PCDHGA5: variants seen among roughly 807,000 people sequenced by gnomAD.
The protein encoded by PCDHGA5 is protocadherin gamma-A5.
A neutral mutation model predicts 56.7 loss-of-function variants in PCDHGA5; 36 were observed. That is an observed-to-expected ratio of 0.64 (90% confidence interval 0.49 to 0.84). The LOEUF (loss-of-function observed/expected upper bound fraction) is 0.84. Ranked by LOEUF, PCDHGA5 falls within the 40% of genes least tolerant of loss-of-function variation. The pLI is 0.00. For missense variants in PCDHGA5, 1,305 were observed against 1,201.5 expected (o/e 1.09, Z -1.27); for synonymous variants, 563 against 520.2 (o/e 1.08, Z -1.12).
At chr5:141,404,812 GC>G in intron 1 of PCDHGA5, 1 of 1,611,168 alleles carries the variant, frequency 6.2e-7, no homozygotes, top group African/African-American at 1.4e-5. Context: ...TCTCGGTGGG[GC>G]TGCACACAGG....
chr5:141,437,478 T>G (rs942305423), intron 1 of PCDHGA5, among the ~76,000 whole-genome samples: 2 of 152,210 alleles, frequency 1.3e-5, no homozygotes, highest in African/African-American at 2.4e-5. Flanking sequence ...TATAGCATAT[T>G]TAATCTCGTA....
chr5:141,504,937 G>A (rs1350441435), intron 2 of PCDHGA5, among the ~76,000 whole-genome samples: 2 of 152,054 alleles, frequency 1.3e-5, no homozygotes, highest in East Asian at 1.9e-4. Context: ...GGTGGGTGGG[G>A]GAATGCACTA....
chr5:141,390,537 A>G (rs565157857), intron 1 of PCDHGA5: 629 of 520,554 alleles, frequency 1.2e-3, no homozygotes, highest in Non-Finnish European at 1.9e-3. Context: ...GGTTTTAACC[A>G]CAAAGTGAAA....
chr5:141,394,997 C>T lies in PCDHGA5; in HGVS notation c.2421+28246C>T, dbSNP rs771459458. On this transcript the variant is annotated intron_variant, in intron 1 of 3. Coordinates refer to ENST00000518069, the MANE Select transcript of PCDHGA5 (RefSeq NM_018918.3). ...ACAAGTCACGCCTGCTCCAGGATTC[C>T]GGTGGCAGATTGGTAGGCGTGCCTG... 3.4e-5 allele frequency: 55 copies of T among 1,613,898 alleles called. No individual in the cohort carries two copies. In the East Asian group the frequency reaches 1.1e-3, roughly 32 times the overall value.
At chr5:141,407,497 G>GTTTTTTTTTTTTTTTT (rs1554102286) in intron 1 of PCDHGA5, among the ~76,000 whole-genome samples, 1 of 151,966 alleles carries the variant, frequency 6.6e-6, no homozygotes, top group Non-Finnish European at 1.5e-5. Flanking sequence ...CTTTATTTCT[G>GTTTTTTTTTTTTTTTT]TTTTTCTTAG....
chr5:141,400,717 G>C (rs2094065619), intron 1 of PCDHGA5: 1 of 672,320 alleles, frequency 1.5e-6, no homozygotes. Context: ...TAGCCTTATA[G>C]ATTTACAAAG....
chr5:141,388,032 C>T (rs747852798), intron 1 of PCDHGA5: 3 of 1,431,396 alleles, frequency 2.1e-6, no homozygotes, highest in Non-Finnish European at 1.9e-6. Flanking sequence ...AGTGGGGAAC[C>T]TCGCCACGGA....
chr5:141,435,990 T>C (rs1175877769), intron 1 of PCDHGA5, among the ~76,000 whole-genome samples: 1 of 152,162 alleles, frequency 6.6e-6, no homozygotes, highest in Non-Finnish European at 1.5e-5. Flanking sequence ...TTGTGTGATT[T>C]TTTGAAAGAA....
At chr5:141,387,843 G>A in intron 1 of PCDHGA5, 5 of 1,597,072 alleles carry the variant, frequency 3.1e-6, no homozygotes, top group Admixed American at 1.7e-5. Flanking sequence ...TTTGTAACCC[G>A]GCGTCTCCAG....
intron 1 of PCDHGA5, among the ~76,000 whole-genome samples, chr5:141,448,877 G>A (rs1421211206): frequency 6.6e-6 from 1 of 152,112 alleles, no homozygotes; most frequent in African/African-American, 2.4e-5. Flanking sequence ...CCTGGGAGGC[G>A]GAGCTTGCAG....
intron 1 of PCDHGA5, chr5:141,390,278 T>A (rs559321936): frequency 1.9e-6 from 3 of 1,614,028 alleles, no homozygotes; most frequent in Admixed American, 1.7e-5. Flanking sequence ...TGACTTCCCA[T>A]CAGGTGAGTT....
At chr5:141,397,614 A>ACTAGAACT (rs2150713337) in intron 1 of PCDHGA5, among the ~76,000 whole-genome samples, 1 of 152,358 alleles carries the variant, frequency 6.6e-6, no homozygotes, top group African/African-American at 2.4e-5. Context: ...CAAGGGCAAT[A>ACTAGAACT]CTTAGTTCTA....
chr5:141,400,453 C>T (rs1329103788), intron 1 of PCDHGA5: 1 of 1,614,056 alleles, frequency 6.2e-7, no homozygotes, highest in Admixed American at 1.7e-5. Context: ...ACAAGACATA[C>T]TTTGTGGTGA....
At chr5:141,400,007 C>T (rs907315450) in intron 1 of PCDHGA5, 30 of 1,612,624 alleles carry the variant, frequency 1.9e-5, no homozygotes, top group Non-Finnish European at 2.5e-5. Flanking sequence ...ACAGCGCGTG[C>T]CTTGGGCGAC....
rs767108870 is a variant in PCDHGA5 at position 141,485,169 on chromosome 5, C to T, written c.2422-9638C>T. On this transcript the variant is annotated intron_variant, in intron 1 of 3. Transcript: ENST00000518069. This position sits in a 1 kb window ranked among gnomAD's most constrained non-coding sequence, Gnocchi z 5.7. ...GAGCAAGTAGAGAATTAGCGGGCGG[C>T]AGCAATGCTCCGCAAGGTGAGAAGC... The T allele has an allele frequency of 6.2e-7, 1 of 1,608,524 alleles. No homozygotes were observed. Among genetic ancestry groups the T allele is most frequent in the South Asian group, 1.1e-5 (1 of 90,730 alleles).
intron 1 of PCDHGA5, among the ~76,000 whole-genome samples, chr5:141,424,964 A>G (rs62378457): frequency 0.11 from 16,148 of 152,126 alleles, 960 homozygotes; most frequent in African/African-American, 0.17. Flanking sequence ...ATTTGCCCCA[A>G]ATTACTTGGA....
chr5:141,490,874 A>C lies in PCDHGA5; in HGVS notation c.2422-3933A>C. 1 of 1,613,948 alleles carries C rather than the reference A, an allele frequency of 6.2e-7. No homozygotes were observed. The highest frequency in any genetic ancestry group is 1.3e-5 in the African/African-American group (1 of 75,054). The stretch of plus-strand genomic sequence containing the variant: ...CGAGACTCCGGCTCTCCCCCATTGC[A>C]TGCCAACACATCTCTGCATGTGTTT... On this transcript the variant is annotated intron_variant, in intron 1 of 3. Coordinates refer to ENST00000518069, the MANE Select transcript of PCDHGA5 (RefSeq NM_018918.3). The surrounding 1 kb of genome is among the most constrained non-coding windows in gnomAD (Gnocchi z 5.4).
chr5:141,473,151 T>C (rs2099315238), intron 1 of PCDHGA5, among the ~76,000 whole-genome samples: 1 of 152,242 alleles, frequency 6.6e-6, no homozygotes. Context: ...TTCAGATCAC[T>C]AGGGCTAGGA....
At chr5:141,422,515 AGCCCGC>A in intron 1 of PCDHGA5, 1 of 1,614,044 alleles carries the variant, frequency 6.2e-7, no homozygotes, top group Non-Finnish European at 8.5e-7. Flanking sequence ...AGACCAGGGA[AGCCCGC>A]CTTTGTCTGC....
Sources: gnomAD v4.1 joint callset for allele counts (sites outside exome capture counted in the v4.1 genomes callset) on GRCh38, gnomAD v4.1.1 for gene constraint, Gnocchi (gnomAD v3.1) non-coding constraint, MANE v1.5 for transcripts, NCBI Gene and HGNC (gene_info 2026-07-23, HGNC 2026-07-21) for gene names.